The following MMP2 variants were observed in gnomAD, a reference collection of about 807,000 sequenced individuals.
MMP2 encodes matrix metallopeptidase 2.
Under a neutral mutation model 74.8 loss-of-function variants are expected in MMP2, and 39 were observed. The observed-to-expected ratio is 0.52, with a 90% CI of 0.40 to 0.68. MMP2 has a LOEUF of 0.68. MMP2 is among the 30% of genes least tolerant of loss of function. MMP2 has a pLI of 0.00. For synonymous variants in MMP2, 367 were observed against 339.8 expected (o/e 1.08, Z -0.88); for missense variants, 803 against 878.3 (o/e 0.91, Z 1.08).
rs1310072224 is a variant in MMP2 at position 55,485,170 on chromosome 16, A to T, written c.530-129A>T. 5.3e-6 allele frequency: 7 copies of T among 1,317,858 alleles called. No individual in the cohort carries two copies. In the African/African-American group the frequency reaches 7.2e-5, roughly 14 times the overall value. The allele number at this position is 1,317,858 out of a possible 1,614,324, so 81.6% of individuals were successfully genotyped here. ...TGAGCTCCTGTTGACAGTCCTGGAT[A>T]ACCCCACTGGGACAAGGGAAGGGGA... On this transcript the variant is annotated intron_variant, in intron 3 of 12. Coordinates refer to ENST00000219070, the MANE Select transcript of MMP2 (RefSeq NM_004530.6).
At chr16:55,491,529 C>G (rs1441200306) in intron 7 of MMP2, among the ~76,000 whole-genome samples, 1 of 151,996 alleles carries the variant, frequency 6.6e-6, no homozygotes, top group East Asian at 1.9e-4. Context: ...TTGTTCTGTT[C>G]CTTTATAGCA....
chr16:55,482,014 T>G (rs533740812), intron 1 of MMP2: 1 of 555,568 alleles, frequency 1.8e-6, no homozygotes, highest in East Asian at 2.9e-5. Context: ...TTCAACATTC[T>G]AACACAGTAC....
At chr16:55,479,929 G>A (rs1567371278) in intron 1 of MMP2, 2 of 372,514 alleles carry the variant, frequency 5.4e-6, no homozygotes, top group Non-Finnish European at 9.7e-6. Context: ...ACTGGAAAGG[G>A]ACTCTTATGT....
intron 7 of MMP2, among the ~76,000 whole-genome samples, chr16:55,491,515 C>A (rs1962404769): frequency 6.6e-6 from 1 of 152,080 alleles, no homozygotes. Flanking sequence ...TTCGCAGATA[C>A]TACTTGTTCT....
Position 55,479,564 on chromosome 16 carries a change from G to T in MMP2, c.85G>T (p.Ala29Ser). ...GGGCTGCCTGCTGAGCCACGCCGCC[G>T]CCGCGCCGTCGCCCATCATCAAGTT... Reference protein sequence around the residue: ...LLGCLLSHAAAAPSPIIKFPG... With the variant: ...LLGCLLSHAASAPSPIIKFPG... The change falls in exon 1 of 13, where the codon GCC becomes TCC. Residue 29 changes from alanine to serine, a missense_variant. By Grantham distance (99) the Ala-to-Ser change is moderately conservative. Coordinates refer to ENST00000219070, the MANE Select transcript of MMP2 (RefSeq NM_004530.6). 1.2e-6 allele frequency: 2 copies of T among 1,613,188 alleles called. No individual in the cohort carries two copies. Among genetic ancestry groups the T allele is most frequent in the African/African-American group, 1.3e-5 (1 of 75,070 alleles).
chr16:55,486,175 G>A (rs1275647962), intron 5 of MMP2, among the ~76,000 whole-genome samples: 7 of 152,144 alleles, frequency 4.6e-5, no homozygotes, highest in African/African-American at 1.7e-4. Flanking sequence ...AAGGGCATGA[G>A]GAAAGGCTTG....
chr16:55,500,109 G>C (rs1458977263), intron 11 of MMP2, among the ~76,000 whole-genome samples: 1 of 151,698 alleles, frequency 6.6e-6, no homozygotes, highest in African/African-American at 2.4e-5. Context: ...ATATTGCTAA[G>C]ACACTTAGCA....
At chr16:55,497,265 C>T (rs1199676942) in intron 10 of MMP2, among the ~76,000 whole-genome samples, 1 of 152,318 alleles carries the variant, frequency 6.6e-6, no homozygotes, top group East Asian at 1.9e-4. Flanking sequence ...CACCCAACAT[C>T]AGATAGCATT....
intron 1 of MMP2, chr16:55,480,577 T>G (rs1232186734): frequency 6.6e-6 from 1 of 152,472 alleles, no homozygotes; most frequent in African/African-American, 2.4e-5. Flanking sequence ...GGAGGGGCAC[T>G]GAGCCTGGCC....
intron 11 of MMP2, among the ~76,000 whole-genome samples, chr16:55,499,983 C>G (rs1962625370): frequency 1.3e-5 from 2 of 152,084 alleles, no homozygotes. Context: ...CGCTTACTTC[C>G]TAAGGCCTCT....
rs1182662222 is a variant in MMP2, at chr16:55,484,034, T to A, written c.399T>A (p.Pro133=). The A allele has an allele frequency of 7.4e-6, 12 of 1,614,110 alleles. No individual in the cohort carries two copies. The highest frequency in any genetic ancestry group is 1.0e-5 in the Non-Finnish European group (12 of 1,180,040). The change falls in exon 3 of 13, where the codon CCT becomes CCA. Residue 133 remains proline, a synonymous_variant. Transcript: ENST00000219070. ...CCTCCAGGATCATTGGCTACACACC[T>A]GATCTGGACCCAGAGACAGTGGATG... The part of the protein sequence containing the change: ...QITYRIIGYT[P]DLDPETVDDA...
At chr16:55,488,362 A>C in intron 5 of MMP2, 181 bp from the exon 6 acceptor site, 1 of 646,684 alleles carries the variant, frequency 1.5e-6, no homozygotes, top group Non-Finnish European at 2.7e-6. Flanking sequence ...TAACCAGGGA[A>C]GCAGGGGTTC....
chr16:55,491,975 GT>G lies in MMP2; in HGVS notation c.1336+21del. The stretch of plus-strand genomic sequence containing the variant: ...CTCTATGGTAAACCTCCGGGCGGGG[GT>G]TGGGGGTGGAGGGTGAGGAGGGGGG... On this transcript the variant is annotated intron_variant, in intron 8 of 12. Coordinates refer to ENST00000219070, the MANE Select transcript of MMP2 (RefSeq NM_004530.6). The G allele has an allele frequency of 6.8e-7, 1 of 1,464,314 alleles. No individual in the cohort carries two copies. Among genetic ancestry groups the G allele is most frequent in the African/African-American group, 1.4e-5 (1 of 70,014 alleles). 90.7% of individuals were successfully genotyped at this position (1,464,314 alleles called of 1,614,324 possible). A position where few individuals can be genotyped will look rare whatever the true frequency, so the allele number is the denominator to read the frequency against.
At position 55,488,729 on chromosome 16, in the gene MMP2, C is replaced by T. The variant is rs1227101504; in HGVS notation, c.1006+13C>T. The T allele has an allele frequency of 6.3e-7, 1 of 1,577,586 alleles. No homozygotes were observed. ...TGCCCTGAGACCGGTGGGTGCCACT[C>T]CCTCTCCCTCCCTCAGGGCCCAGCA... On this transcript the variant is annotated intron_variant, in intron 6 of 12. Transcript: ENST00000219070.
At position 55,479,391 on chromosome 16, in the gene MMP2, C is replaced by G; in HGVS notation, c.-89C>G. ...GGACCCTCGGAGCGCAGCCCTGCGC[C>G]GCGGAGCAGGCTCCAACCAGGCGGC... is the stretch of plus-strand genomic sequence containing the variant. On this transcript the variant is annotated 5_prime_UTR_variant, in exon 1 of 13. Transcript: ENST00000219070. The G allele has an allele frequency of 1.5e-6, 2 of 1,343,408 alleles. No homozygotes were observed. Among genetic ancestry groups the G allele is most frequent in the South Asian group, 1.8e-5 (1 of 57,036 alleles). 83.2% of individuals were successfully genotyped at this position (1,343,408 alleles called of 1,614,324 possible).
Position 55,491,825 on chromosome 16 carries a change from C to A in MMP2, c.1205C>A (p.Ala402Asp). 1 of 1,614,224 alleles carries A rather than the reference C, an allele frequency of 6.2e-7. No homozygotes were observed. Among genetic ancestry groups the A allele is most frequent in the Non-Finnish European group, 8.5e-7 (1 of 1,180,042 alleles). The change falls in exon 8 of 13, where the codon GCC becomes GAC. Residue 402 changes from alanine (A) to aspartate (D), a missense_variant. Physicochemically the swap from Ala to Asp is moderately radical, Grantham distance 126. Around this residue, in one of 3 missense-constraint regions of MMP2, gnomAD observed 555 missense variants for 592.0 expected, o/e 0.94. Coordinates refer to ENST00000219070, the MANE Select transcript of MMP2 (RefSeq NM_004530.6). Reference protein sequence around the residue: ...DQGYSLFLVAAHEFGHAMGLE... With the variant: ...DQGYSLFLVADHEFGHAMGLE... ...GGGTACAGCCTGTTCCTCGTGGCAG[C>A]CCACGAGTTTGGCCACGCCATGGGG...
intron 3 of MMP2, 126 bp from the exon 4 acceptor site, chr16:55,485,173 C>T: frequency 2.2e-6 from 3 of 1,367,678 alleles, no homozygotes; most frequent in Non-Finnish European, 3.1e-6. Context: ...CCTGGATAAC[C>T]CCACTGGGAC....
At chr16:55,487,050 TC>T (rs1429619513) in intron 5 of MMP2, 2 of 152,258 alleles carry the variant, frequency 1.3e-5, no homozygotes, top group South Asian at 2.1e-4. Flanking sequence ...ATCTTGCGTT[TC>T]CCGGTAGGGA....
chr16:55,504,021 G>A (rs1482872660), intron 12 of MMP2, among the ~76,000 whole-genome samples: 3 of 152,236 alleles, frequency 2.0e-5, no homozygotes, highest in African/African-American at 4.8e-5. Context: ...AGCTACACAT[G>A]ACGGCGCATA....
Sources: gnomAD v4.1 joint callset for allele counts (sites outside exome capture counted in the v4.1 genomes callset) on GRCh38, gnomAD v4.1.1 for gene constraint, gnomAD v4.1.1 regional missense constraint, MANE v1.5 for transcripts, NCBI Gene and HGNC (gene_info 2026-07-23, HGNC 2026-07-21) for gene names.